Variants in DOCK1 observed in about 807,000 individuals in gnomAD.
DOCK1 encodes the protein dedicator of cytokinesis protein 1.
In DOCK1, 138 loss-of-function variants were observed where a neutral mutation model predicts 262.7. That is an observed-to-expected ratio of 0.53 (90% confidence interval 0.46 to 0.61). The LOEUF is 0.61. Ranked by LOEUF, DOCK1 falls within the 20% of genes least tolerant of loss-of-function variation. The pLI is 0.00. For missense variants in DOCK1, 1,908 were observed against 2,370.7 expected (o/e 0.80, Z 4.05); for synonymous variants, 866 against 867.4 (o/e 1.00, Z 0.03).
chr10:127,035,696 A>G (rs1000849276), intron 18 of DOCK1, among the ~76,000 whole-genome samples: 1 of 152,122 alleles, frequency 6.6e-6, no homozygotes, highest in Non-Finnish European at 1.5e-5. Context: ...CTTTTCCATT[A>G]CTTCACTTTC....
intron 27 of DOCK1, among the ~76,000 whole-genome samples, chr10:127,209,091 A>G (rs566228560): frequency 1.2e-4 from 18 of 152,180 alleles, no homozygotes; most frequent in Non-Finnish European, 2.6e-4. Flanking sequence ...CTCACTGCAT[A>G]ACTGGAAACA....
At chr10:126,927,562 G>A (rs1304583825) in intron 1 of DOCK1, among the ~76,000 whole-genome samples, 3 of 151,966 alleles carry the variant, frequency 2.0e-5, no homozygotes, top group East Asian at 1.9e-4. Context: ...TCAGCCTCCC[G>A]AGTAGCTAGA....
At chr10:127,319,041 C>T (rs2062406521) in intron 29 of DOCK1, among the ~76,000 whole-genome samples, 2 of 152,202 alleles carry the variant, frequency 1.3e-5, no homozygotes, top group Admixed American at 6.5e-5. Context: ...AGGGATCTGC[C>T]TCCTTGCCTC....
At chr10:127,147,524 G>A (rs938369911) in intron 27 of DOCK1, among the ~76,000 whole-genome samples, 8 of 152,002 alleles carry the variant, frequency 5.3e-5, no homozygotes, top group Admixed American at 2.0e-4. Flanking sequence ...GCTCTCTCTC[G>A]CCAGAGCTCT....
chr10:127,060,978 C>T (rs1048657064), intron 22 of DOCK1, among the ~76,000 whole-genome samples: 6 of 152,204 alleles, frequency 3.9e-5, no homozygotes, highest in Non-Finnish European at 8.8e-5. Context: ...CCTGTAATCC[C>T]AGCACTTTGG....
chr10:127,190,294 C>T (rs897882521), intron 27 of DOCK1, among the ~76,000 whole-genome samples: 1 of 152,152 alleles, frequency 6.6e-6, no homozygotes, highest in Non-Finnish European at 1.5e-5. Flanking sequence ...CAGTACTGTT[C>T]AGCCCTGGAA....
At chr10:127,336,743 G>A (rs1056002024) in intron 29 of DOCK1, among the ~76,000 whole-genome samples, 6 of 152,112 alleles carry the variant, frequency 3.9e-5, no homozygotes, top group East Asian at 3.9e-4. Flanking sequence ...GTTTCACTGT[G>A]TTAGCCAGGA....
chr10:127,367,877 T>C (rs1452981470), intron 33 of DOCK1, among the ~76,000 whole-genome samples: 1 of 151,970 alleles, frequency 6.6e-6, no homozygotes, highest in Admixed American at 6.5e-5. Context: ...GTGCTTGCAG[T>C]GTGGATACTC....
rs11371 is a variant in DOCK1, at chr10:127,444,251, G to A, written c.5385G>A (p.Arg1795=). 596,095 of 1,609,426 alleles carry A rather than the reference G, an allele frequency of 0.37. 112,979 individuals are homozygous for A. Among genetic ancestry groups the A allele is most frequent in the East Asian group, 0.41 (18,513 of 44,720 alleles). The change falls in exon 50 of 52, where the codon AGG becomes AGA. Residue 1795 remains arginine, a synonymous_variant. Coordinates refer to ENST00000623213, the MANE Select transcript of DOCK1 (RefSeq NM_001290223.2). ...SQQTPPPVTP[R]AKLSFSMQSS... Reference sequence around the variant, plus strand: ...AAACACCCCCTCCAGTTACACCAAGGGCCAAGCTCAGCTTCAGCATGCAGT... The same window carrying A: ...AAACACCCCCTCCAGTTACACCAAGAGCCAAGCTCAGCTTCAGCATGCAGT...
intron 1 of DOCK1, among the ~76,000 whole-genome samples, chr10:126,939,341 T>A (rs2134238485): frequency 6.6e-6 from 1 of 152,264 alleles, no homozygotes; most frequent in African/African-American, 2.4e-5. Flanking sequence ...AGTAGCTTTG[T>A]ACTAAATTTT....
At chr10:126,911,715 G>A (rs889132844) in intron 1 of DOCK1, among the ~76,000 whole-genome samples, 2 of 152,202 alleles carry the variant, frequency 1.3e-5, no homozygotes, top group African/African-American at 4.8e-5. Flanking sequence ...GCGATGTTCT[G>A]GATGGTACTG....
intron 27 of DOCK1, among the ~76,000 whole-genome samples, chr10:127,140,496 G>A (rs11594042): frequency 9.9e-5 from 15 of 152,196 alleles, no homozygotes; most frequent in East Asian, 9.7e-4. Flanking sequence ...GTGGATCTGC[G>A]TGTGGGATGA....
At chr10:126,976,171 G>A (rs2038526860) in intron 2 of DOCK1, among the ~76,000 whole-genome samples, 1 of 152,078 alleles carries the variant, frequency 6.6e-6, no homozygotes, top group Non-Finnish European at 1.5e-5. Flanking sequence ...TGATATATGA[G>A]CACTGTGTCA....
rs1278303043 is a variant in DOCK1 at position 126,942,118 on chromosome 10, G to A, written c.47-28584G>A. On this transcript the variant is annotated intron_variant, in intron 1 of 51. Coordinates refer to ENST00000623213, the MANE Select transcript of DOCK1 (RefSeq NM_001290223.2). ...CGGCTCACTGCAAGCTCTGCCTCCC[G>A]GTTTCACACCATTCTCCTGCCTCAG... 5.9e-5 allele frequency among the ~76,000 whole-genome samples: 9 copies of A among 152,008 alleles called. No homozygotes were observed. The East Asian group carries it at 9.8e-4, about 17-fold the overall frequency.
At position 127,255,522 on chromosome 10, in the gene DOCK1, C is replaced by T. The variant is rs138969376; in HGVS notation, c.2950-1813C>T. Among the ~76,000 whole-genome samples the T allele has an allele frequency of 1.1e-3, 168 of 152,348 alleles. 2 individuals carry two copies. Among genetic ancestry groups the T allele is most frequent in the African/African-American group, 3.8e-3 (159 of 41,592 alleles). ...AGTGGAACAGTCCGGTAAGCCTCATCAGCTGCTCAAGGCAAACACAGTTGT... is the reference window on the plus strand; with the variant it reads ...AGTGGAACAGTCCGGTAAGCCTCATTAGCTGCTCAAGGCAAACACAGTTGT... On this transcript the variant is annotated intron_variant, in intron 28 of 51. Transcript: ENST00000623213.
intron 1 of DOCK1, among the ~76,000 whole-genome samples, chr10:126,956,946 G>C (rs1432384981): frequency 6.6e-6 from 1 of 152,142 alleles, no homozygotes; most frequent in Non-Finnish European, 1.5e-5. Context: ...GCTCAGGCCA[G>C]AGCCCACAGG....
At chr10:127,431,996 A>G (rs540681633) in intron 47 of DOCK1, among the ~76,000 whole-genome samples, 1 of 152,254 alleles carries the variant, frequency 6.6e-6, no homozygotes, top group South Asian at 2.1e-4. Context: ...TCATGGGAGC[A>G]TGAACTCGAT....
At chr10:127,380,249 G>T (rs2065753137) in intron 36 of DOCK1, 127 bp downstream of exon 36, 1 of 732,148 alleles carries the variant, frequency 1.4e-6, no homozygotes, top group Non-Finnish European at 2.1e-6. Context: ...AAACGTATAA[G>T]GTAGAGTTTG....
chr10:127,176,491 G>C lies in DOCK1; in HGVS notation c.2847+48727G>C, dbSNP rs1300927783. ...CAAACTTTTAGCCACCACGACGACT[G>C]CCTGTTTCCTAATTATATTTAAGCA... On this transcript the variant is annotated intron_variant, in intron 27 of 51. Transcript: ENST00000623213. This position sits in a 1 kb window ranked among gnomAD's most constrained non-coding sequence, Gnocchi z 4.4. The C allele has an allele frequency of 9.6e-7, 1 of 1,038,160 alleles. No individual in the cohort carries two copies. The highest frequency in any genetic ancestry group is 1.4e-6 in the Non-Finnish European group (1 of 715,536). The allele number at this position is 1,038,160 out of a possible 1,614,324, so 64.3% of individuals were successfully genotyped here.
Sources: gnomAD v4.1 joint callset for allele counts (sites outside exome capture counted in the v4.1 genomes callset) on GRCh38, gnomAD v4.1.1 for gene constraint, Gnocchi (gnomAD v3.1) non-coding constraint, MANE v1.5 for transcripts, NCBI Gene and HGNC (gene_info 2026-07-23, HGNC 2026-07-21) for gene names.